The following ARAP1 variants were observed in gnomAD, a reference collection of about 807,000 sequenced individuals.
ARAP1 encodes the protein arf-GAP with Rho-GAP domain, ANK repeat and PH domain-containing protein 1.
A neutral mutation model predicts 172.2 loss-of-function variants in ARAP1; 76 were observed. The observed-to-expected ratio is 0.44, with a 90% CI of 0.37 to 0.53. ARAP1 has a LOEUF of 0.53. Ranked by LOEUF, ARAP1 falls within the 20% of genes least tolerant of loss-of-function variation. The pLI, the probability that ARAP1 is intolerant of heterozygous loss-of-function variation, is 0.00. For missense variants in ARAP1, 1,686 were observed against 1,977.5 expected (o/e 0.85, Z 2.80); for synonymous variants, 804 against 803.3 (o/e 1.00, Z -0.01).
intron 34 of ARAP1, 108 bp from the exon 35 acceptor site, chr11:72,685,789 A>C (rs776482508): frequency 1.3e-6 from 2 of 1,495,156 alleles, no homozygotes; most frequent in African/African-American, 2.8e-5. Context: ...CCAGCCGGGG[A>C]GCACTCCAAT....
In ARAP1 at chr11:72,714,167, G is replaced by T; in HGVS notation, c.664C>A (p.Leu222Met). 1 of 1,501,036 alleles carries T rather than the reference G, an allele frequency of 6.7e-7. No individual in the cohort carries two copies. The highest frequency in any genetic ancestry group is 8.8e-7 in the Non-Finnish European group (1 of 1,131,336). The allele number at this position is 1,501,036 out of a possible 1,614,324, so 93.0% of individuals were successfully genotyped here. The change falls in exon 4 of 35, where the codon CTG (leucine) becomes ATG (methionine). Residue 222 changes from leucine to methionine, a missense_variant. Around this residue, in one of 5 missense-constraint regions of ARAP1, gnomAD observed 155 missense variants for 129.2 expected, o/e 1.20. Transcript: ENST00000393609. ...CAGCACTCACCGAACTCTGGGAACA[G>T]GCGTACCGGCTTTGGAGGTATCTCC... ...PPEIPPKPVR[L>M]FPEFDDSDYD...
intron 18 of ARAP1, among the ~76,000 whole-genome samples, 192 bp from the exon 19 acceptor site, chr11:72,698,298 G>A (rs1016326911): frequency 2.6e-5 from 4 of 152,158 alleles, no homozygotes; most frequent in Non-Finnish European, 4.4e-5. Context: ...AGATGTGCCC[G>A]CCTCTGGAAA....
Position 72,697,210 on chromosome 11 carries a change from G to C in ARAP1, c.2954-15C>G, listed in dbSNP as rs1856242025. The C allele has an allele frequency of 6.3e-7, 1 of 1,594,232 alleles. No homozygotes were observed. Among genetic ancestry groups the C allele is most frequent in the African/African-American group, 1.3e-5 (1 of 74,836 alleles). ...GGAGGTCAGGCCTAGGGAGGGGCGG[G>C]GCCAAGCGTTCGGGGCCTGAGGCAT... is the stretch of plus-strand genomic sequence containing the variant. On this transcript the variant is annotated splice_polypyrimidine_tract_variant and intron_variant, in intron 21 of 34. Transcript: ENST00000393609.
Position 72,699,035 on chromosome 11 carries a change from C to T in ARAP1, c.2511G>A (p.Gln837=). 6.2e-7 allele frequency: 1 copy of T among 1,614,184 alleles called. No individual in the cohort carries two copies. Among genetic ancestry groups the T allele is most frequent in the African/African-American group, 1.3e-5 (1 of 75,044 alleles). ...LYLFGLESAE[Q]AHEWVKCIAK... ...CAATACACTTGACCCACTCATGAGC[C>T]TGCTCCGCACTCTCCAGCCCAAACA... is the stretch of plus-strand genomic sequence containing the variant. Residue 837 remains glutamine, a synonymous_variant, in exon 18 of 35, where the codon CAG becomes CAA. Transcript: ENST00000393609. This position sits in a 1 kb window ranked among gnomAD's most constrained non-coding sequence, Gnocchi z 4.2.
In ARAP1 at chr11:72,699,199, C is replaced by T. The variant is rs574826634; in HGVS notation, c.2439-92G>A. The T allele has an allele frequency of 1.8e-5, 27 of 1,472,608 alleles. No individual in the cohort carries two copies. The highest frequency in any genetic ancestry group is 1.6e-4 in the East Asian group (7 of 44,022). The allele number at this position is 1,472,608 out of a possible 1,614,324, so 91.2% of individuals were successfully genotyped here. On this transcript the variant is annotated intron_variant, in intron 17 of 34. Transcript: ENST00000393609. This position sits in a 1 kb window ranked among gnomAD's most constrained non-coding sequence, Gnocchi z 4.2. ...ATCAACCGCCATCCTCTGCCCCCTCCGCACTGCCTTGGCGCTTGTCCTTAT... is the reference window on the plus strand; with the variant it reads ...ATCAACCGCCATCCTCTGCCCCCTCTGCACTGCCTTGGCGCTTGTCCTTAT...
intron 1 of ARAP1, among the ~76,000 whole-genome samples, chr11:72,738,438 CCT>C (rs891294399): frequency 6.6e-6 from 1 of 152,028 alleles, no homozygotes; most frequent in Non-Finnish European, 1.5e-5. Context: ...GGCCGCCTCC[CCT>C]GATTGCATCC....
chr11:72,707,559 G>A (rs142939205), intron 11 of ARAP1, among the ~76,000 whole-genome samples, 185 bp from the exon 12 acceptor site: 3 of 152,336 alleles, frequency 2.0e-5, no homozygotes, highest in Admixed American at 6.5e-5. Context: ...ACACAAGAGC[G>A]TATGGGGGCA....
chr11:72,695,798 G>A lies in ARAP1; in HGVS notation c.3340C>T (p.Leu1114Phe), dbSNP rs1472852282. 3 of 1,614,188 alleles carry A rather than the reference G, an allele frequency of 1.9e-6. No homozygotes were observed. The highest frequency in any genetic ancestry group is 3.3e-5 in the Admixed American group (2 of 60,012). Residue 1114 changes from leucine (L) to phenylalanine (F), a missense_variant, in exon 24 of 35, where the codon CTC becomes TTC. Physicochemically the swap from Leu to Phe is conservative, Grantham distance 22. Around this residue, in one of 5 missense-constraint regions of ARAP1, gnomAD observed 379 missense variants for 500.1 expected, o/e 0.76. Transcript: ENST00000393609. This position sits in a 1 kb window ranked among gnomAD's most constrained non-coding sequence, Gnocchi z 4.4. Reference sequence around the variant, plus strand: ...TAGTCCTGCCCATCTGTCTGGAAGAGCGTGGGCCCAAACACAATTGCCAGG... The same window carrying A: ...TAGTCCTGCCCATCTGTCTGGAAGAACGTGGGCCCAAACACAATTGCCAGG... The part of the protein sequence containing the change: ...HNLAIVFGPT[L>F]FQTDGQDYKA...
intron 3 of ARAP1, among the ~76,000 whole-genome samples, chr11:72,715,137 G>A (rs1239795602): frequency 6.6e-6 from 1 of 152,238 alleles, no homozygotes; most frequent in East Asian, 1.9e-4. Context: ...CCTGGGGTGA[G>A]CACCTAGCCC....
intron 1 of ARAP1, among the ~76,000 whole-genome samples, chr11:72,750,856 G>T (rs1417828809): frequency 3.3e-5 from 5 of 152,226 alleles, no homozygotes; most frequent in African/African-American, 9.6e-5. Context: ...TGAAGGCTGG[G>T]CAGGAAGGAG....
intron 22 of ARAP1, 115 bp downstream of exon 22, chr11:72,696,868 C>A (rs1335318675): frequency 5.1e-6 from 6 of 1,172,698 alleles, no homozygotes; most frequent in Non-Finnish European, 7.1e-6. Context: ...CAGAGGCAGG[C>A]AACTGGAGCC....
At chr11:72,746,759 G>C (rs1858380470) in intron 1 of ARAP1, among the ~76,000 whole-genome samples, 1 of 147,668 alleles carries the variant, frequency 6.8e-6, no homozygotes, top group African/African-American at 2.5e-5. Context: ...GGGATCCCCA[G>C]AGTCGCTCCT....
rs201849689 is a variant in ARAP1, at chr11:72,710,531, G to A, written c.1270C>T (p.Arg424Trp). 33 of 1,613,162 alleles carry A rather than the reference G, an allele frequency of 2.0e-5. No homozygotes were observed. In the Middle Eastern group the frequency reaches 5.0e-4, roughly 24 times the overall value. The change falls in exon 10 of 35, where the codon CGG becomes TGG. Residue 424 changes from arginine to tryptophan, a missense_variant. Physicochemically the swap from Arg to Trp is moderately radical, Grantham distance 101. Around this residue, in one of 5 missense-constraint regions of ARAP1, gnomAD observed 688 missense variants for 856.9 expected, o/e 0.80. Transcript: ENST00000393609. This position sits in a 1 kb window ranked among gnomAD's most constrained non-coding sequence, Gnocchi z 4.3. ...LQQAMAEQRA[R>W]ARLSSAYLLG... is the part of the protein sequence containing the mutation. ...AGATAAGCGCTAGAGAGCCGGGCCC[G>A]GGCACGCTGCTCAGCCATGGCCTGC...
At chr11:72,685,948 G>C (rs1295125281) in intron 34 of ARAP1, 94 bp downstream of exon 34, 1 of 1,605,318 alleles carries the variant, frequency 6.2e-7, no homozygotes, top group Non-Finnish European at 8.5e-7. Flanking sequence ...GGCAATCGGG[G>C]AGGGCAATCA....
In ARAP1 at chr11:72,700,939, G is replaced by A. The variant is rs188513332; in HGVS notation, c.2302+710C>T. Among the ~76,000 whole-genome samples, 634 of 152,270 alleles carry A rather than the reference G, an allele frequency of 4.2e-3. 3 individuals carry two copies. Among genetic ancestry groups the A allele is most frequent in the African/African-American group, 0.015 (605 of 41,550 alleles). ...CTTGAACCCGGGAGGCAGAGGTTGCGGTGAGCCAAGATCGCGCCATTGCAC... is the reference window on the plus strand; with the variant it reads ...CTTGAACCCGGGAGGCAGAGGTTGCAGTGAGCCAAGATCGCGCCATTGCAC... On this transcript the variant is annotated intron_variant, in intron 16 of 34. Transcript: ENST00000393609.
chr11:72,714,851 T>C (rs1857207109), intron 3 of ARAP1, among the ~76,000 whole-genome samples: 1 of 152,126 alleles, frequency 6.6e-6, no homozygotes, highest in African/African-American at 2.4e-5. Context: ...TACCTCCTGG[T>C]GCCCTCAGAC....
intron 13 of ARAP1, chr11:72,704,549 T>A: frequency 1.8e-6 from 1 of 554,908 alleles, no homozygotes. Flanking sequence ...TCAGGCTCAG[T>A]GACAGGACAG....
intron 11 of ARAP1, among the ~76,000 whole-genome samples, chr11:72,707,882 G>A (rs1856840691): frequency 6.6e-6 from 1 of 152,012 alleles, no homozygotes; most frequent in South Asian, 2.1e-4. Flanking sequence ...AAGGAGGGGA[G>A]GGTACAGAGA....
intron 8 of ARAP1, 138 bp from the exon 9 acceptor site, chr11:72,711,279 T>C: frequency 6.8e-7 from 1 of 1,480,934 alleles, no homozygotes. Flanking sequence ...ACTGCAGCCC[T>C]CAGCAGGCAG....
Sources: gnomAD v4.1 joint callset for allele counts (sites outside exome capture counted in the v4.1 genomes callset) on GRCh38, gnomAD v4.1.1 for gene constraint, gnomAD v4.1.1 regional missense constraint, Gnocchi (gnomAD v3.1) non-coding constraint, MANE v1.5 for transcripts, NCBI Gene and HGNC (gene_info 2026-07-23, HGNC 2026-07-21) for gene names.